COL6A2: variants seen among roughly 807,000 people sequenced by gnomAD.
The protein encoded by COL6A2 is collagen type VI alpha 2 chain.
COL6A2 carries 90 observed loss-of-function variants against 124.9 expected under a neutral mutation model. The ratio of observed to expected loss-of-function variants is 0.72; its 90% CI spans 0.61 to 0.86. The LOEUF (loss-of-function observed/expected upper bound fraction) is 0.86, where lower values mean the gene tolerates loss of function less well. Ranked by LOEUF, COL6A2 falls within the 40% of genes least tolerant of loss-of-function variation. COL6A2 has a pLI of 0.00. For missense variants in COL6A2, 1,607 were observed against 1,502.5 expected (o/e 1.07, Z -1.15); for synonymous variants, 793 against 618.2 (o/e 1.28, Z -4.19).
rs530397003 is a variant in COL6A2 at position 46,126,411 on chromosome 21, C to A, written c.2423-92C>A. On this transcript the variant is annotated intron_variant, in intron 26 of 27. Coordinates refer to ENST00000300527, the MANE Select transcript of COL6A2 (RefSeq NM_001849.4). ...GGCTGCAGGGCAGAGGCCAGCTGCA[C>A]CCTGAGCCTGTCTAGGCAGATCAGT... 37 of 1,574,518 alleles carry A rather than the reference C, an allele frequency of 2.3e-5. No individual in the cohort carries two copies. In the Admixed American group the frequency reaches 6.0e-4, roughly 26 times the overall value.
Position 46,121,587 on chromosome 21 carries a change from C to A in COL6A2, c.1490C>A (p.Pro497His), listed in dbSNP as rs1446025577. 1 of 1,612,794 alleles carries A rather than the reference C, an allele frequency of 6.2e-7. No individual in the cohort carries two copies. The highest frequency in any genetic ancestry group is 1.7e-5 in the Admixed American group (1 of 60,020). The change falls in exon 18 of 28, where the codon CCC (proline) becomes CAC (histidine). Residue 497 changes from proline to histidine, a missense_variant. This residue lies in a region of COL6A2 where 1,223 missense variants were observed against 1,052.2 expected (regional missense o/e 1.16). Transcript: ENST00000300527. ...CGGGGAGACCCCGGTGATGCAGGAC[C>A]CCGTGGAGACTCAGGACAGCCAGGC... Reference protein sequence around the residue: ...GSRGDPGDAGPRGDSGQPGPK... With the variant: ...GSRGDPGDAGHRGDSGQPGPK...
intron 19 of COL6A2, 82 bp from the exon 20 acceptor site, chr21:46,122,414 G>A (rs1296453477): frequency 1.3e-5 from 20 of 1,566,702 alleles, no homozygotes; most frequent in Middle Eastern, 1.7e-4. Context: ...GGAGGGAAAC[G>A]GGGCTGCAGA....
At chr21:46,127,698 T>C (rs1049013735) in intron 27 of COL6A2, among the ~76,000 whole-genome samples, 4 of 148,566 alleles carry the variant, frequency 2.7e-5, no homozygotes, top group Non-Finnish European at 3.0e-5. Context: ...GACATGGCGA[T>C]GGTCACTGTG....
At chr21:46,130,129 C>T (rs1468012177) in intron 27 of COL6A2, among the ~76,000 whole-genome samples, 2 of 152,200 alleles carry the variant, frequency 1.3e-5, no homozygotes, top group African/African-American at 4.8e-5. Flanking sequence ...GGGAAGCTGG[C>T]AGTCCTGGCA....
In COL6A2 at chr21:46,118,627, G is replaced by A. The variant is rs148552966; in HGVS notation, c.1130G>A (p.Arg377His). ...GDQGGKGDPG[R>H]PGRRGPPGEI... is the part of the protein sequence containing the mutation. The stretch of plus-strand genomic sequence containing the variant: ...AAACCCTTCCAGGGGGACCCTGGCC[G>A]CCCAGGACGCAGAGGGCCCCCGGGA... The change falls in exon 13 of 28, where the codon CGC (arginine) becomes CAC (histidine). Residue 377 changes from arginine to histidine, a missense_variant. Physicochemically the swap from Arg to His is conservative, Grantham distance 29 (BLOSUM62 0). Coordinates refer to ENST00000300527, the MANE Select transcript of COL6A2 (RefSeq NM_001849.4). 114 of 1,612,472 alleles carry A rather than the reference G, an allele frequency of 7.1e-5. No homozygotes were observed. The highest frequency in any genetic ancestry group is 5.0e-4 in the Admixed American group (30 of 59,996).
chr21:46,116,586 G>C lies in COL6A2; in HGVS notation c.928-65G>C, dbSNP rs1263643288. The C allele has an allele frequency of 4.4e-6, 7 of 1,608,330 alleles. No homozygotes were observed. The highest frequency in any genetic ancestry group is 6.0e-6 in the Non-Finnish European group (7 of 1,176,394). Reference sequence around the variant, plus strand: ...TTTGGCCCAAGGGCTTTGCCCCCCAGAGGCAGCAGTGCCCATGATGCTTTG... The same window carrying C: ...TTTGGCCCAAGGGCTTTGCCCCCCACAGGCAGCAGTGCCCATGATGCTTTG... On this transcript the variant is annotated intron_variant, in intron 8 of 27. Transcript: ENST00000300527. The surrounding 1 kb of genome is among the most constrained non-coding windows in gnomAD (Gnocchi z 4.6).
rs139116075 is a variant in COL6A2, at chr21:46,132,204, G to T, written c.2712G>T (p.Ala904=). Reference sequence around the variant, plus strand: ...ACAACCTCACGGCCATCCACGAGGCGCTGGAGACCACACAATACCTGAACT... The same window carrying T: ...ACAACCTCACGGCCATCCACGAGGCTCTGGAGACCACACAATACCTGAACT... The part of the protein sequence containing the change: ...LSHNLTAIHE[A]LETTQYLNSF... The change falls in exon 28 of 28, where the codon GCG becomes GCT. Residue 904 remains alanine (A), a synonymous_variant. Coordinates refer to ENST00000300527, the MANE Select transcript of COL6A2 (RefSeq NM_001849.4). 2 of 1,584,632 alleles carry T rather than the reference G, an allele frequency of 1.3e-6. No homozygotes were observed. Among genetic ancestry groups the T allele is most frequent in the African/African-American group, 1.3e-5 (1 of 74,222 alleles).
chr21:46,126,223 A>C lies in COL6A2; in HGVS notation c.2408A>C (p.Asp803Ala). The C allele has an allele frequency of 6.3e-7, 1 of 1,599,230 alleles. No individual in the cohort carries two copies. Among genetic ancestry groups the C allele is most frequent in the Non-Finnish European group, 8.5e-7 (1 of 1,178,850 alleles). Residue 803 changes from aspartate to alanine, a missense_variant, in exon 26 of 28, where the codon GAC becomes GCC. Around this residue, in one of 3 missense-constraint regions of COL6A2, gnomAD observed 1,223 missense variants for 1,052.2 expected, o/e 1.16. Transcript: ENST00000300527. ...VAEKFIDDME[D>A]VLCPDPQIVC... ...GAGAAGTTCATCGATGACATGGAGGACGTCCTCTGCCCGGGTGAGCGTGTG... is the reference window on the plus strand; with the variant it reads ...GAGAAGTTCATCGATGACATGGAGGCCGTCCTCTGCCCGGGTGAGCGTGTG...
intron 1 of COL6A2, among the ~76,000 whole-genome samples, chr21:46,109,461 C>A (rs2078371286): frequency 6.6e-6 from 1 of 152,212 alleles, no homozygotes; most frequent in African/African-American, 2.4e-5. Context: ...GGCTTCAGGC[C>A]TGCCCCAGCC....
chr21:46,131,291 C>A (rs984422619), intron 27 of COL6A2, among the ~76,000 whole-genome samples: 2 of 152,346 alleles, frequency 1.3e-5, no homozygotes, highest in African/African-American at 4.8e-5. Flanking sequence ...TATGGCCAGG[C>A]CCCCAAGCTG....
intron 14 of COL6A2, among the ~76,000 whole-genome samples, 169 bp downstream of exon 14, chr21:46,119,288 C>T (rs1448456282): frequency 6.6e-6 from 1 of 152,172 alleles, no homozygotes; most frequent in Non-Finnish European, 1.5e-5. Context: ...CCCACGGGAC[C>T]CCCCAGAGCT....
intron 27 of COL6A2, chr21:46,129,827 T>G: frequency 9.0e-7 from 1 of 1,109,628 alleles, no homozygotes; most frequent in Non-Finnish European, 1.1e-6. Flanking sequence ...CCTTCTTTGC[T>G]GCATCAGGTC....
At chr21:46,104,816 A>T (rs750348174) in intron 1 of COL6A2, among the ~76,000 whole-genome samples, 1 of 152,256 alleles carries the variant, frequency 6.6e-6, no homozygotes, top group African/African-American at 2.4e-5. Flanking sequence ...GGAATCCTCA[A>T]TAAAACTATT....
rs1601199260 is a variant in COL6A2, at chr21:46,099,709, C to T, written c.-28+1536C>T. 2.6e-5 allele frequency among the ~76,000 whole-genome samples: 4 copies of T among 152,098 alleles called. No individual in the cohort carries two copies. In the South Asian group the frequency reaches 8.3e-4, roughly 31 times the overall value. On this transcript the variant is annotated intron_variant, in intron 1 of 27. Coordinates refer to ENST00000300527, the MANE Select transcript of COL6A2 (RefSeq NM_001849.4). ...TCCGCCCAGGATCCAAACACCCAGC[C>T]CCGCCCAGCGGCCCTTCCTGGCCTG... is the stretch of plus-strand genomic sequence containing the variant.
At chr21:46,122,827 G>A (rs1173478433) in intron 20 of COL6A2, 48 bp from the exon 21 acceptor site, 1 of 1,550,174 alleles carries the variant, frequency 6.5e-7, no homozygotes, top group East Asian at 2.2e-5. Flanking sequence ...GGTGTCCCTG[G>A]TAGAGACAGC....
chr21:46,113,829 G>A (rs925379950), intron 4 of COL6A2, 179 bp from the exon 5 acceptor site: 2 of 682,406 alleles, frequency 2.9e-6, no homozygotes, highest in Non-Finnish European at 5.4e-6. Context: ...CCTGATGGGG[G>A]CAGAGCCTCA....
chr21:46,119,053 C>A lies in COL6A2; in HGVS notation c.1203C>A (p.Ala401=), dbSNP rs769165553. Residue 401 remains alanine, a synonymous_variant, in exon 14 of 28, where the codon GCC becomes GCA. Transcript: ENST00000300527. ...AGGGGTATCAAGGCAACAGTGGAGC[C>A]CCAGGAAGTCCTGGTGTGAAAGGAG... The part of the protein sequence containing the change: ...GSKGYQGNSG[A]PGSPGVKGAK... The A allele has an allele frequency of 1.2e-6, 2 of 1,612,138 alleles. No homozygotes were observed. Among genetic ancestry groups the A allele is most frequent in the South Asian group, 2.2e-5 (2 of 91,066 alleles).
In COL6A2 at chr21:46,112,508, C is replaced by A. The variant is rs1391328673; in HGVS notation, c.645C>A (p.Asp215Glu). The A allele has an allele frequency of 6.2e-7, 1 of 1,612,048 alleles. No individual in the cohort carries two copies. The highest frequency in any genetic ancestry group is 1.7e-5 in the Admixed American group (1 of 60,006). The change falls in exon 3 of 28, where the codon GAC becomes GAA. Residue 215 changes from aspartate to glutamate, a missense_variant. By Grantham distance (45) the Asp-to-Glu change is conservative. This residue lies in a region of COL6A2 where 342 missense variants were observed against 381.5 expected (regional missense o/e 0.90). Coordinates refer to ENST00000300527, the MANE Select transcript of COL6A2 (RefSeq NM_001849.4). ...ASTPHELYRN[D>E]YATMLPDSTE... ...CGCCGCACGAGCTCTACCGCAACGACTACGCCACCATGCTGCCCGACTCCA... is the reference window on the plus strand; with the variant it reads ...CGCCGCACGAGCTCTACCGCAACGAATACGCCACCATGCTGCCCGACTCCA...
intron 17 of COL6A2, 125 bp downstream of exon 17, chr21:46,121,248 A>C: frequency 1.0e-6 from 1 of 954,452 alleles, no homozygotes; most frequent in Admixed American, 2.0e-5. Flanking sequence ...GCCTGGCCTC[A>C]GAAGCCAGGA....
Sources: allele counts gnomAD v4.1 joint callset (sites outside exome capture counted in the v4.1 genomes callset), GRCh38; gene constraint gnomAD v4.1.1; regional missense constraint gnomAD v4.1.1; non-coding constraint Gnocchi (gnomAD v3.1); transcripts MANE v1.5; gene names NCBI Gene and HGNC (gene_info 2026-07-23, HGNC 2026-07-21).